GGACT: variants seen among roughly 807,000 people sequenced by gnomAD.
The protein encoded by GGACT is gamma-glutamylaminecyclotransferase.
For missense variants in GGACT, 241 were observed against 233.2 expected (o/e 1.03, Z -0.22); for synonymous variants, 118 against 115.3 (o/e 1.02, Z -0.15).
intron 1 of GGACT, among the ~76,000 whole-genome samples, chr13:100,587,417 A>G (rs1293859162): frequency 3.3e-5 from 5 of 152,248 alleles, no homozygotes; most frequent in Non-Finnish European, 5.9e-5. Flanking sequence ...AAATTAATTT[A>G]ACTTTGCAAA....
At chr13:100,573,381 T>G (rs1411669278) in intron 2 of GGACT, among the ~76,000 whole-genome samples, 1 of 152,180 alleles carries the variant, frequency 6.6e-6, no homozygotes, top group Non-Finnish European at 1.5e-5. Context: ...AGCCAGAAGT[T>G]TAAAAGAGAC....
intron 2 of GGACT, among the ~76,000 whole-genome samples, chr13:100,575,125 C>T (rs188449360): frequency 2.0e-5 from 3 of 152,262 alleles, no homozygotes; most frequent in Admixed American, 1.3e-4. Context: ...CAAAATAAAA[C>T]CTATATGCTA....
At chr13:100,560,385 A>G (rs1399366596) in intron 2 of GGACT, among the ~76,000 whole-genome samples, 1 of 152,212 alleles carries the variant, frequency 6.6e-6, no homozygotes, top group Non-Finnish European at 1.5e-5. Context: ...TGCTCCATAA[A>G]CATTAAGCCT....
rs117385097 is a variant in GGACT at position 100,565,400 on chromosome 13, C to A, written c.-11+18425G>T. Among the ~76,000 whole-genome samples the A allele has an allele frequency of 2.0e-3, 311 of 152,300 alleles. 8 individuals carry two copies. The East Asian group carries it at 0.038, about 19-fold the overall frequency. On this transcript the variant is annotated intron_variant, in intron 2 of 2. Coordinates refer to ENST00000683975, the MANE Select transcript of GGACT (RefSeq NM_001195087.2). Reference sequence around the variant, plus strand: ...CACATCTGACTCCTGACAGTCAAGGCAAAGTAGTGCTTACGAGACGTAACT... The same window carrying A: ...CACATCTGACTCCTGACAGTCAAGGAAAAGTAGTGCTTACGAGACGTAACT...
chr13:100,578,260 A>G (rs762513295), intron 2 of GGACT, among the ~76,000 whole-genome samples: 8 of 152,192 alleles, frequency 5.3e-5, no homozygotes, highest in Non-Finnish European at 8.8e-5. Context: ...AGTTTGTTCA[A>G]GATGTCTTTG....
chr13:100,538,291 G>A (rs1416713634), intron 2 of GGACT: 1 of 152,164 alleles, frequency 6.6e-6, no homozygotes, highest in Non-Finnish European at 1.5e-5. Context: ...GTATGGTGGA[G>A]GACTCAGGCT....
intron 2 of GGACT, among the ~76,000 whole-genome samples, chr13:100,563,738 G>A (rs2088785702): frequency 6.6e-6 from 1 of 152,232 alleles, no homozygotes; most frequent in African/African-American, 2.4e-5. Context: ...ACAGTGAAGG[G>A]TTTGTTCAGC....
chr13:100,538,075 A>C (rs2760307), intron 2 of GGACT: 86,830 of 151,998 alleles, frequency 0.57, 25,234 homozygotes, highest in East Asian at 0.81. Context: ...TAGCCTGTGT[A>C]ATCTCAGTTT....
Position 100,530,632 on chromosome 13 carries a change from A to C in GGACT, c.*1498T>G. The C allele has an allele frequency of 4.1e-6, 1 of 246,634 alleles. No individual in the cohort carries two copies. The highest frequency in any genetic ancestry group is 7.9e-6 in the Non-Finnish European group (1 of 126,060). The allele number at this position is 246,634 out of a possible 1,614,324, so 15.3% of individuals were successfully genotyped here. A position where few individuals can be genotyped will look rare whatever the true frequency, so the allele number is the denominator to read the frequency against. On this transcript the variant is annotated 3_prime_UTR_variant, in exon 3 of 3. Transcript: ENST00000683975. ...TACTACTTCTAGAAGTGAGGCCCTC[A>C]CTCCTGGTGCTGATTTTCAAAACTT...
chr13:100,551,355 C>A (rs2153014199), intron 2 of GGACT, among the ~76,000 whole-genome samples: 2 of 152,260 alleles, frequency 1.3e-5, no homozygotes, highest in South Asian at 4.2e-4. Flanking sequence ...TCCTCTCTGC[C>A]CCTAAGCTGT....
At chr13:100,581,451 C>T (rs1875413315) in intron 2 of GGACT, among the ~76,000 whole-genome samples, 2 of 152,188 alleles carry the variant, frequency 1.3e-5, no homozygotes, top group South Asian at 4.1e-4. Flanking sequence ...ATGGCCAAAG[C>T]AGGAACAACT....
rs1383010167 is a variant in GGACT, at chr13:100,534,997, C to T, written c.-10-2396G>A. ...TGGTTGTCGTTATAGCACACGTGCT[C>T]TCTAAATCACTGGTCTTGTTTGTTG... On this transcript the variant is annotated intron_variant, in intron 2 of 2. Transcript: ENST00000683975. This position sits in a 1 kb window ranked among gnomAD's most constrained non-coding sequence, Gnocchi z 4.9. 6.6e-6 allele frequency among the ~76,000 whole-genome samples: 1 copy of T among 152,234 alleles called. No homozygotes were observed. The highest frequency in any genetic ancestry group is 1.5e-5 in the Non-Finnish European group (1 of 68,038).
chr13:100,558,053 G>C (rs2088724260), intron 2 of GGACT, among the ~76,000 whole-genome samples: 1 of 151,982 alleles, frequency 6.6e-6, no homozygotes, highest in Non-Finnish European at 1.5e-5. Flanking sequence ...GGTGGCACAT[G>C]CCTGTAATCC....
intron 2 of GGACT, among the ~76,000 whole-genome samples, chr13:100,559,291 G>A (rs570769565): frequency 5.9e-5 from 9 of 151,874 alleles, no homozygotes; most frequent in Non-Finnish European, 1.3e-4. Context: ...TGGCTCAAGC[G>A]ATTCTCCTGC....
chr13:100,542,910 T>A (rs531541255), intron 2 of GGACT, among the ~76,000 whole-genome samples: 1 of 152,248 alleles, frequency 6.6e-6, no homozygotes, highest in Non-Finnish European at 1.5e-5. Flanking sequence ...GCAGTCCGTC[T>A]ATAGTTTCAT....
At chr13:100,582,589 G>A (rs1875452233) in intron 2 of GGACT, among the ~76,000 whole-genome samples, 2 of 152,192 alleles carry the variant, frequency 1.3e-5, no homozygotes, top group South Asian at 2.1e-4. Flanking sequence ...TCAGACAGAT[G>A]TGACGACAAA....
At chr13:100,569,462 C>A (rs915487912) in intron 2 of GGACT, among the ~76,000 whole-genome samples, 7 of 152,232 alleles carry the variant, frequency 4.6e-5, no homozygotes, top group Non-Finnish European at 1.0e-4. Flanking sequence ...CTTTTAGCCA[C>A]AGCTGGAGCT....
chr13:100,537,511 GC>G (rs1380114652), intron 2 of GGACT: 1 of 152,338 alleles, frequency 6.6e-6, no homozygotes, highest in Non-Finnish European at 1.5e-5. Flanking sequence ...GAAAAGGAAA[GC>G]CTAAATGCAG....
At chr13:100,574,275 C>T (rs959700552) in intron 2 of GGACT, among the ~76,000 whole-genome samples, 5 of 152,094 alleles carry the variant, frequency 3.3e-5, no homozygotes, top group African/African-American at 1.2e-4. Flanking sequence ...TGAATTAACA[C>T]GGGAGCAGAA....
Sources: gnomAD v4.1 joint callset for allele counts (sites outside exome capture counted in the v4.1 genomes callset) on GRCh38, gnomAD v4.1.1 for gene constraint, Gnocchi (gnomAD v3.1) non-coding constraint, MANE v1.5 for transcripts, NCBI Gene and HGNC (gene_info 2026-07-23, HGNC 2026-07-21) for gene names.